Variants in SUPT3H observed in about 807,000 individuals in gnomAD.
SUPT3H encodes the protein transcription initiation protein SPT3 homolog.
A neutral mutation model predicts 44.3 loss-of-function variants in SUPT3H; 44 were observed. The ratio of observed to expected loss-of-function variants is 0.99; its 90% CI spans 0.78 to 1.28. The LOEUF (loss-of-function observed/expected upper bound fraction) is 1.28, where lower values mean the gene tolerates loss of function less well. Among genes scored for constraint, SUPT3H ranks in the 50% most tolerant of loss-of-function variants. The probability of loss-of-function intolerance (pLI) is 0.00; values close to 1 mark genes in which losing one functional copy is unlikely to be tolerated. For synonymous variants in SUPT3H, 124 were observed against 125.6 expected, an observed-to-expected ratio of 0.99 and a Z score of 0.09; for missense variants, 380 against 387.1, an observed-to-expected ratio of 0.98 and a Z score of 0.15.
chr6:45,340,003 G>C (rs1396699959), intron 2 of SUPT3H, among the ~76,000 whole-genome samples: 1 of 152,100 alleles, frequency 6.6e-6, no homozygotes, highest in Admixed American at 6.6e-5. Context: ...ATGAGGTAAA[G>C]GAACTTGCTC....
chr6:44,820,936 G>A (rs1348101773), intron 11 of SUPT3H, among the ~76,000 whole-genome samples: 1 of 152,090 alleles, frequency 6.6e-6, no homozygotes, highest in Non-Finnish European at 1.5e-5. Flanking sequence ...GTGCTGCCTT[G>A]AACTCCTGGG....
intron 2 of SUPT3H, among the ~76,000 whole-genome samples, chr6:45,296,265 T>C (rs1781209608): frequency 6.6e-6 from 1 of 151,344 alleles, no homozygotes. Context: ...CATTCACAGC[T>C]ACCTGAATGA....
intron 9 of SUPT3H, among the ~76,000 whole-genome samples, chr6:44,944,811 CAGAA>C (rs1773079761): frequency 9.9e-6 from 1 of 100,802 alleles, no homozygotes; most frequent in African/African-American, 3.6e-5. Context: ...TACAGACAGA[CAGAA>C]AGGAGGAATA....
chr6:45,344,951 A>G (rs58982694), intron 2 of SUPT3H, among the ~76,000 whole-genome samples: 3,663 of 152,234 alleles, frequency 0.024, 153 homozygotes, highest in African/African-American at 0.082. Flanking sequence ...TATGCTCTGA[A>G]GCCAAGCTTC....
At chr6:45,347,946 A>G (rs1172693691) in intron 2 of SUPT3H, among the ~76,000 whole-genome samples, 1 of 152,142 alleles carries the variant, frequency 6.6e-6, no homozygotes, top group Non-Finnish European at 1.5e-5. Flanking sequence ...GGTTCTAGAG[A>G]TTCCAAAATC....
At chr6:45,225,089 A>G (rs1022738105) in intron 2 of SUPT3H, among the ~76,000 whole-genome samples, 4 of 151,778 alleles carry the variant, frequency 2.6e-5, no homozygotes, top group African/African-American at 9.7e-5. Flanking sequence ...GACAAACCTG[A>G]CCAACATGGT....
intron 2 of SUPT3H, among the ~76,000 whole-genome samples, chr6:45,339,393 T>C (rs1321202148): frequency 6.6e-6 from 1 of 152,166 alleles, no homozygotes; most frequent in Non-Finnish European, 1.5e-5. Flanking sequence ...TTAATACTCC[T>C]AGAAATAAGC....
intron 3 of SUPT3H, among the ~76,000 whole-genome samples, chr6:45,072,073 T>C (rs918987998): frequency 6.6e-6 from 1 of 152,198 alleles, no homozygotes; most frequent in African/African-American, 2.4e-5. Context: ...ACAAATTTTC[T>C]TATTTAATGA....
At chr6:44,853,192 C>T (rs1367012098) in intron 10 of SUPT3H, among the ~76,000 whole-genome samples, 1 of 152,136 alleles carries the variant, frequency 6.6e-6, no homozygotes, top group Non-Finnish European at 1.5e-5. Context: ...TAGACAGGTG[C>T]TTTCAGTAAG....
At chr6:45,123,837 TATGA>T (rs1802022381) in intron 2 of SUPT3H, among the ~76,000 whole-genome samples, 1 of 152,222 alleles carries the variant, frequency 6.6e-6, no homozygotes, top group Non-Finnish European at 1.5e-5. Context: ...CACTAAAACT[TATGA>T]ATGGTCACTG....
intron 2 of SUPT3H, among the ~76,000 whole-genome samples, chr6:45,234,530 C>CAA (rs10713328): frequency 4.3e-4 from 55 of 126,974 alleles, no homozygotes; most frequent in South Asian, 1.7e-3. Context: ...GACGCTGTCA[C>CAA]AAAAAAAAAA....
chr6:45,221,698 T>G lies in SUPT3H; in HGVS notation c.102-115692A>C, dbSNP rs192896470. ...TAATTTAATTCCTATTATAATCCCA[T>G]CAAGGTTTTTTCTTTTTGTAGACAT... On this transcript the variant is annotated intron_variant, in intron 2 of 10. Transcript: ENST00000371459. Among the ~76,000 whole-genome samples the G allele has an allele frequency of 4.8e-3, 724 of 152,286 alleles. 8 individuals are homozygous for G. Among genetic ancestry groups the G allele is most frequent in the South Asian group, 0.02 (95 of 4,830 alleles).
At chr6:44,932,832 T>C in intron 9 of SUPT3H, 69 bp from the exon 10 acceptor site, 1 of 1,048,900 alleles carries the variant, frequency 9.5e-7, no homozygotes, top group Non-Finnish European at 1.4e-6. Context: ...TGTATAAATA[T>C]GAAAATAAAC....
At chr6:45,242,744 GAA>G (rs1285021903) in intron 2 of SUPT3H, among the ~76,000 whole-genome samples, 1 of 152,058 alleles carries the variant, frequency 6.6e-6, no homozygotes, top group Non-Finnish European at 1.5e-5. Flanking sequence ...ACAAAATCTA[GAA>G]AGTCAAAAAC....
chr6:45,251,621 GA>G (rs536678469), intron 2 of SUPT3H, among the ~76,000 whole-genome samples: 223 of 151,678 alleles, frequency 1.5e-3, no homozygotes, highest in African/African-American at 5.1e-3. Flanking sequence ...AGGTATAACA[GA>G]AAAAAAGAAG....
At chr6:44,965,724 C>T (rs1044954117) in intron 6 of SUPT3H, among the ~76,000 whole-genome samples, 1 of 152,080 alleles carries the variant, frequency 6.6e-6, no homozygotes, top group African/African-American at 2.4e-5. Flanking sequence ...CAAATTTTGG[C>T]CATATGATCC....
At position 44,820,248 on chromosome 6, in the gene SUPT3H, T is replaced by C. The variant is rs184843360; in HGVS notation, c.*52+9516A>G. Among the ~76,000 whole-genome samples the C allele has an allele frequency of 8.5e-5, 13 of 152,256 alleles. No homozygotes were observed. The East Asian group carries it at 1.9e-3, about 23-fold the overall frequency. ...AGAAAAAAAGATACATCAAATAAAA[T>C]TTGACATAATATTACTGAAACCTAA... On this transcript the variant is annotated intron_variant and NMD_transcript_variant, in intron 11 of 11. Coordinates refer to the SUPT3H transcript ENST00000475057.
At chr6:45,292,445 G>A (rs890904206) in intron 2 of SUPT3H, among the ~76,000 whole-genome samples, 6 of 151,798 alleles carry the variant, frequency 4.0e-5, no homozygotes, top group African/African-American at 7.3e-5. Context: ...TACAGGCAAC[G>A]AATACCATGG....
intron 3 of SUPT3H, among the ~76,000 whole-genome samples, chr6:45,084,467 CAT>C (rs1796233316): frequency 6.6e-6 from 1 of 151,918 alleles, no homozygotes; most frequent in South Asian, 2.1e-4. Context: ...ATCAAAATAA[CAT>C]GTTGGCGAGG....
Sources: gnomAD v4.1 joint callset for allele counts (sites outside exome capture counted in the v4.1 genomes callset) on GRCh38, gnomAD v4.1.1 for gene constraint, MANE v1.5 for transcripts, NCBI Gene and HGNC (gene_info 2026-07-23, HGNC 2026-07-21) for gene names.